The following RPS4Y1 variants were observed in gnomAD, a reference collection of about 807,000 sequenced individuals.
The protein encoded by RPS4Y1 is ribosomal protein S4 Y-linked 1, also known as small ribosomal subunit protein eS4, Y isoform 1.
For synonymous variants in RPS4Y1, 23 were observed against 20.8 expected (o/e 1.10, Z -0.28); for missense variants, 30 against 60.9 (o/e 0.49, Z 1.69).
At chrY:2,857,036 G>A in intron 5 of RPS4Y1, among the ~76,000 whole-genome samples, 1 of 31,847 alleles carries the variant, frequency 3.1e-5, no homozygotes, top group Admixed American at 2.8e-4. Flanking sequence ...TTTTTTTGTA[G>A]TTCTTGGTTT....
chrY:2,858,733 AC>A (rs2051161559), intron 5 of RPS4Y1, among the ~76,000 whole-genome samples: 1 of 33,444 alleles, frequency 3.0e-5, no homozygotes, highest in Non-Finnish European at 7.4e-5. Flanking sequence ...CTGTTGAATT[AC>A]TGTCATTTTG....
chrY:2,849,310 T>A (rs988038813), intron 4 of RPS4Y1, among the ~76,000 whole-genome samples: 6 of 34,121 alleles, frequency 1.8e-4, no homozygotes, highest in Non-Finnish European at 2.9e-4. Context: ...TCAGACATTT[T>A]ATTATAAGCA....
At chrY:2,845,340 A>T in intron 3 of RPS4Y1, among the ~76,000 whole-genome samples, 4 of 32,537 alleles carry the variant, frequency 1.2e-4, no homozygotes, top group African/African-American at 4.9e-4. Flanking sequence ...GGGTGTGCTC[A>T]TGTATGTTTT....
chrY:2,841,811 C>T, intron 1 of RPS4Y1, 184 bp downstream of exon 1: 2 of 246,336 alleles, frequency 8.1e-6, no homozygotes, highest in Non-Finnish European at 1.3e-5. Flanking sequence ...TCGTTGTGCT[C>T]GGTCTGGGGG....
intron 4 of RPS4Y1, among the ~76,000 whole-genome samples, chrY:2,849,591 G>T: frequency 3.0e-5 from 1 of 33,617 alleles, no homozygotes; most frequent in Non-Finnish European, 7.4e-5. Flanking sequence ...AGGTGATGGG[G>T]TGTCACATCT....
intron 5 of RPS4Y1, among the ~76,000 whole-genome samples, chrY:2,856,607 A>G (rs2051160147): frequency 3.3e-5 from 1 of 30,301 alleles, no homozygotes; most frequent in East Asian, 8.7e-4. Context: ...GTTTTGTTTC[A>G]TTTTGCTTTC....
chrY:2,854,716 T>C lies in RPS4Y1; in HGVS notation c.477T>C (p.Thr159=). The change falls in exon 5 of 7, where the codon ACT becomes ACC. Residue 159 remains threonine, a synonymous_variant. Coordinates refer to ENST00000250784, the MANE Select transcript of RPS4Y1 (RefSeq NM_001008.4). ...YPDPVIKVND[T]VQIDLGTGKI... ...ATCCTGTCATCAAGGTGAACGATACTGTGCAGATTGATTTAGGGACTGGCA... is the reference window on the plus strand; with the variant it reads ...ATCCTGTCATCAAGGTGAACGATACCGTGCAGATTGATTTAGGGACTGGCA... The C allele has an allele frequency of 2.5e-6, 1 of 397,029 alleles. No individual in the cohort carries two copies. Among genetic ancestry groups the C allele is most frequent in the Non-Finnish European group, 3.5e-6 (1 of 281,924 alleles).
intron 2 of RPS4Y1, among the ~76,000 whole-genome samples, chrY:2,843,133 T>C: frequency 3.0e-5 from 1 of 33,091 alleles, no homozygotes; most frequent in South Asian, 6.7e-4. Context: ...GGACCTGGAT[T>C]TGCAACCTGT....
intron 4 of RPS4Y1, among the ~76,000 whole-genome samples, chrY:2,850,866 C>T (rs2051155663): frequency 7.2e-5 from 1 of 13,817 alleles, no homozygotes; most frequent in Non-Finnish European, 1.6e-4. Flanking sequence ...TTTTTTGAGA[C>T]GGAGTCTCGC....
At chrY:2,866,120 T>C in intron 6 of RPS4Y1, among the ~76,000 whole-genome samples, 1 of 33,779 alleles carries the variant, frequency 3.0e-5, no homozygotes. Flanking sequence ...CCTGACCTGG[T>C]GATCACCCAA....
intron 5 of RPS4Y1, among the ~76,000 whole-genome samples, chrY:2,862,740 A>T: frequency 3.0e-5 from 1 of 33,892 alleles, no homozygotes; most frequent in Non-Finnish European, 7.3e-5. Flanking sequence ...CTATGCGATC[A>T]AGATGATTCT....
intron 4 of RPS4Y1, among the ~76,000 whole-genome samples, chrY:2,849,135 C>T: frequency 3.0e-5 from 1 of 33,337 alleles, no homozygotes; most frequent in African/African-American, 1.2e-4. Flanking sequence ...CTGTTTTTCT[C>T]CAAACTTCTG....
intron 6 of RPS4Y1, 129 bp downstream of exon 6, chrY:2,865,374 C>T: frequency 1.7e-5 from 3 of 180,314 alleles, no homozygotes; most frequent in Non-Finnish European, 2.9e-5. Context: ...GTGCAGCAAG[C>T]TCTCTATTTA....
At chrY:2,849,723 T>C (rs2051154867) in intron 4 of RPS4Y1, among the ~76,000 whole-genome samples, 1 of 33,729 alleles carries the variant, frequency 3.0e-5, no homozygotes. Context: ...CCTCATGATA[T>C]GGCCAGTCTT....
At chrY:2,860,623 A>T (rs2051162915) in intron 5 of RPS4Y1, among the ~76,000 whole-genome samples, 1 of 33,606 alleles carries the variant, frequency 3.0e-5, no homozygotes, top group Non-Finnish European at 7.4e-5. Context: ...GGTCGCTCAT[A>T]TTTGGCTCTT....
intron 5 of RPS4Y1, among the ~76,000 whole-genome samples, chrY:2,860,674 T>G: frequency 2.9e-5 from 1 of 34,037 alleles, no homozygotes; most frequent in Non-Finnish European, 7.3e-5. Flanking sequence ...TTAAGCACTT[T>G]GAATATGTCA....
chrY:2,855,983 A>G (rs556056082), intron 5 of RPS4Y1, among the ~76,000 whole-genome samples: 1 of 33,849 alleles, frequency 3.0e-5, no homozygotes, highest in African/African-American at 1.2e-4. Context: ...ATGATTTGGT[A>G]CTGGCCATTT....
chrY:2,851,417 G>C, intron 4 of RPS4Y1, among the ~76,000 whole-genome samples: 1 of 33,182 alleles, frequency 3.0e-5, no homozygotes, highest in African/African-American at 1.2e-4. Context: ...CCAGGGCTTC[G>C]GGAGGTATAA....
chrY:2,850,992 C>T, intron 4 of RPS4Y1, among the ~76,000 whole-genome samples: 1 of 27,803 alleles, frequency 3.6e-5, no homozygotes, highest in African/African-American at 1.4e-4. Context: ...TACAGGCGCC[C>T]GCCACTACGC....
Sources: gnomAD v4.1 joint callset for allele counts (sites outside exome capture counted in the v4.1 genomes callset) on GRCh38, gnomAD v4.1.1 for gene constraint, MANE v1.5 for transcripts, NCBI Gene and HGNC (gene_info 2026-07-23, HGNC 2026-07-21) for gene names.